GYG2: variants seen among roughly 807,000 people sequenced by gnomAD.
GYG2 encodes glycogenin 2.
GYG2 carries 29 observed loss-of-function variants against 29.4 expected under a neutral mutation model. The ratio of observed to expected loss-of-function variants is 0.99; its 90% CI spans 0.74 to 1.35. The LOEUF (loss-of-function observed/expected upper bound fraction) is 1.35, where lower values mean the gene tolerates loss of function less well. Among genes scored for constraint, GYG2 ranks in the 40% most tolerant of loss-of-function variants. The probability of loss-of-function intolerance (pLI) is 0.00; values close to 1 mark genes in which losing one functional copy is unlikely to be tolerated. For synonymous variants in GYG2, 167 were observed against 172.3 expected, an observed-to-expected ratio of 0.97 and a Z score of 0.24; for missense variants, 370 against 385.7, an observed-to-expected ratio of 0.96 and a Z score of 0.34.
chrX:2,831,134 C>T (rs2087255184), intron 2 of GYG2, among the ~76,000 whole-genome samples: 4 of 112,792 alleles, frequency 3.5e-5, no homozygotes, highest in Admixed American at 2.8e-4. Context: ...GATGCTGGTT[C>T]TATTTTCTAT....
At chrX:2,850,378 T>G (rs925048233) in intron 3 of GYG2, among the ~76,000 whole-genome samples, 1 of 111,722 alleles carries the variant, frequency 9.0e-6, no homozygotes, top group Non-Finnish European at 1.9e-5. Flanking sequence ...AAATATAAGC[T>G]TAAATACGTG....
chrX:2,877,447 C>G, intron 10 of GYG2, 140 bp downstream of exon 10: 1 of 1,089,269 alleles, frequency 9.2e-7, no homozygotes, highest in Non-Finnish European at 1.2e-6. Flanking sequence ...CCCTCTTCCC[C>G]TGCCTCTGAT....
chrX:2,877,417 C>A, intron 10 of GYG2, 110 bp downstream of exon 10: 1 of 1,108,622 alleles, frequency 9.0e-7, no homozygotes. Context: ...CCTCATTTAA[C>A]AAAAAATAAG....
intron 3 of GYG2, among the ~76,000 whole-genome samples, chrX:2,851,288 C>T (rs1418939785): frequency 1.8e-5 from 2 of 111,613 alleles, no homozygotes; most frequent in Non-Finnish European, 3.8e-5. Context: ...CTCTGTCGCC[C>T]AGGCCGGAGT....
At chrX:2,855,491 CA>C (rs34862116) in intron 5 of GYG2, among the ~76,000 whole-genome samples, 2,064 of 111,854 alleles carry the variant, frequency 0.018, 29 homozygotes, top group Non-Finnish European at 0.029. Flanking sequence ...CTAAACATCA[CA>C]AAGGTCCAGT....
rs148243530 is a variant in GYG2 at position 2,859,865 on chromosome X, G to T, written c.637G>T (p.Val213Phe). The stretch of plus-strand genomic sequence containing the variant: ...CAGATTCGGTTCCAGTGCAAAGGTC[G>T]TCCACTTTTTGGGGTCCATGAAACC... The part of the protein sequence containing the change: ...FKQFGSSAKV[V>F]HFLGSMKPWN... The change falls in exon 7 of 11, where the codon GTC (valine) becomes TTC (phenylalanine). Residue 213 changes from valine (V) to phenylalanine (F), a missense_variant. Coordinates refer to ENST00000398806, the MANE Select transcript of GYG2 (RefSeq NM_001079855.2). The T allele has an allele frequency of 5.0e-6, 6 of 1,196,790 alleles. No homozygotes were observed. Among genetic ancestry groups the T allele is most frequent in the African/African-American group, 1.8e-5 (1 of 56,490 alleles).
Position 2,881,172 on chromosome X carries a change from T to G in GYG2, c.1372T>G (p.Phe458Val), listed in dbSNP as rs1286906519. 8.3e-7 allele frequency: 1 copy of G among 1,199,371 alleles called. No homozygotes were observed. ...GRIDYMGKDA[F>V]ARIQEKLDRF... is the part of the protein sequence containing the mutation. ...TATCGACTACATGGGGAAGGACGCG[T>G]TTGCTCGCATCCAGGAGAAGCTGGA... The change falls in exon 11 of 11, where the codon TTT (phenylalanine) becomes GTT (valine). Residue 458 changes from phenylalanine (F) to valine (V), a missense_variant. By Grantham distance (50) the Phe-to-Val change is conservative. Coordinates refer to ENST00000398806, the MANE Select transcript of GYG2 (RefSeq NM_001079855.2).
At chrX:2,878,925 C>T (rs966572561) in intron 10 of GYG2, among the ~76,000 whole-genome samples, 13 of 111,836 alleles carry the variant, frequency 1.2e-4, no homozygotes, top group Non-Finnish European at 2.3e-4. Context: ...TGCTGTAGGT[C>T]CTGTTAATTC....
chrX:2,832,467 TC>T (rs1389664236), intron 2 of GYG2, among the ~76,000 whole-genome samples: 1 of 112,045 alleles, frequency 8.9e-6, no homozygotes, highest in African/African-American at 3.2e-5. Flanking sequence ...CAGGGCTGGT[TC>T]CTCCTGAGGC....
At chrX:2,845,827 A>C (rs1321435966) in intron 3 of GYG2, among the ~76,000 whole-genome samples, 1 of 102,405 alleles carries the variant, frequency 9.8e-6, no homozygotes, top group Admixed American at 1.1e-4. Flanking sequence ...ATGTATATGT[A>C]TATACATATA....
Position 2,860,082 on chromosome X carries a change from C to G in GYG2, c.837+17C>G, listed in dbSNP as rs779792037. On this transcript the variant is annotated intron_variant, in intron 7 of 10. Coordinates refer to ENST00000398806, the MANE Select transcript of GYG2 (RefSeq NM_001079855.2). ...GGTCACACAGTAAGTGGGGGATTCC[C>G]TTAAAACCCGTAGCTGAGGACGAGG... is the stretch of plus-strand genomic sequence containing the variant. 1 of 1,058,117 alleles carries G rather than the reference C, an allele frequency of 9.5e-7. No individual in the cohort carries two copies. 87.2% of individuals were successfully genotyped at this position (1,058,117 alleles called of 1,213,427 possible).
chrX:2,856,302 CTTATTT>C (rs1172967332), intron 5 of GYG2, among the ~76,000 whole-genome samples, 190 bp from the exon 6 acceptor site: 6 of 111,238 alleles, frequency 5.4e-5, no homozygotes, highest in African/African-American at 2.0e-4. Flanking sequence ...GGAATATGCA[CTTATTT>C]TTATCAATGG....
At chrX:2,851,009 A>G (rs1443454767) in intron 3 of GYG2, among the ~76,000 whole-genome samples, 2 of 111,925 alleles carry the variant, frequency 1.8e-5, no homozygotes, top group Non-Finnish European at 3.8e-5. Flanking sequence ...GCAGGACTCA[A>G]TCCAAATATA....
chrX:2,874,884 G>C (rs759841308), intron 8 of GYG2, among the ~76,000 whole-genome samples: 35 of 111,454 alleles, frequency 3.1e-4, no homozygotes, highest in Admixed American at 1.3e-3. Flanking sequence ...AGGCAAGAGG[G>C]GCTCATGTTG....
chrX:2,834,374 C>A (rs1184027037), intron 2 of GYG2, among the ~76,000 whole-genome samples: 1 of 112,004 alleles, frequency 8.9e-6, no homozygotes, highest in Non-Finnish European at 1.9e-5. Flanking sequence ...CTACACACTC[C>A]TGGAGGGATG....
rs2088728126 is a variant in GYG2, at chrX:2,881,892, G to T, written c.*679G>T. On this transcript the variant is annotated 3_prime_UTR_variant, in exon 11 of 11. Coordinates refer to ENST00000398806, the MANE Select transcript of GYG2 (RefSeq NM_001079855.2). Reference sequence around the variant, plus strand: ...GTGGGTGGCTTAGAGGATCTAAACCGATTCACTTCCTGGTTGAGAAGCAAC... The same window carrying T: ...GTGGGTGGCTTAGAGGATCTAAACCTATTCACTTCCTGGTTGAGAAGCAAC... 9.0e-6 allele frequency: 1 copy of T among 111,137 alleles called. No homozygotes were observed. The highest frequency in any genetic ancestry group is 1.9e-5 in the Non-Finnish European group (1 of 52,993). The allele number at this position is 111,137 out of a possible 1,213,427, so 9.2% of individuals were successfully genotyped here.
At chrX:2,870,128 T>C (rs2088426373) in intron 8 of GYG2, among the ~76,000 whole-genome samples, 1 of 110,934 alleles carries the variant, frequency 9.0e-6, no homozygotes, top group Admixed American at 9.6e-5. Context: ...TATCAAGTTT[T>C]TTTACTCTTT....
At chrX:2,842,973 C>T (rs1339376849) in intron 2 of GYG2, 11 of 419,302 alleles carry the variant, frequency 2.6e-5, no homozygotes, top group African/African-American at 2.5e-4. Flanking sequence ...CCACCACGCC[C>T]AGCTAATTTT....
intron 8 of GYG2, among the ~76,000 whole-genome samples, chrX:2,863,723 C>T (rs1200464881): frequency 3.6e-5 from 4 of 111,707 alleles, no homozygotes; most frequent in Admixed American, 9.5e-5. Context: ...GTGTAAAATG[C>T]GCTTTTCTGG....
Sources: gnomAD v4.1 joint callset for allele counts (sites outside exome capture counted in the v4.1 genomes callset) on GRCh38, gnomAD v4.1.1 for gene constraint, MANE v1.5 for transcripts, NCBI Gene and HGNC (gene_info 2026-07-23, HGNC 2026-07-21) for gene names.